CADPS2: variants seen among roughly 807,000 people sequenced by gnomAD.
The protein encoded by CADPS2 is calcium dependent secretion activator 2.
Under a neutral mutation model 172.5 loss-of-function variants are expected in CADPS2, and 93 were observed. The ratio of observed to expected loss-of-function variants is 0.54; its 90% confidence interval spans 0.46 to 0.64. The LOEUF (loss-of-function observed/expected upper bound fraction) is 0.64, where lower values mean the gene tolerates loss of function less well. CADPS2 is among the 30% of genes least tolerant of loss of function. The pLI is 0.00. For synonymous variants in CADPS2, 546 were observed against 555.2 expected (o/e 0.98, Z 0.23); for missense variants, 1,420 against 1,565.9 (o/e 0.91, Z 1.57).
At chr7:122,614,781 A>G (rs1433482060) in intron 6 of CADPS2, among the ~76,000 whole-genome samples, 1 of 152,186 alleles carries the variant, frequency 6.6e-6, no homozygotes, top group African/African-American at 2.4e-5. Context: ...CATGGTATCT[A>G]CTGTTACATC....
chr7:122,780,208 T>C (rs1011996013), intron 1 of CADPS2, among the ~76,000 whole-genome samples: 1 of 152,060 alleles, frequency 6.6e-6, no homozygotes, highest in Admixed American at 6.5e-5. Context: ...TTCTTTACCA[T>C]GTGCACTTGT....
At chr7:122,753,821 C>A (rs1266300444) in intron 1 of CADPS2, among the ~76,000 whole-genome samples, 1 of 152,156 alleles carries the variant, frequency 6.6e-6, no homozygotes, top group African/African-American at 2.4e-5. Context: ...CCCTACTCAC[C>A]CACTGGGGTG....
chr7:122,741,174 T>C (rs1431911912), intron 1 of CADPS2, among the ~76,000 whole-genome samples: 1 of 152,190 alleles, frequency 6.6e-6, no homozygotes, highest in Non-Finnish European at 1.5e-5. Flanking sequence ...ACATTCTCTA[T>C]GTACTGATTT....
At chr7:122,386,435 T>G in intron 24 of CADPS2, 1 of 524,616 alleles carries the variant, frequency 1.9e-6, no homozygotes, top group Non-Finnish European at 3.3e-6. Flanking sequence ...AACAGATAAT[T>G]GAAGAAAAAT....
At chr7:122,679,393 G>T (rs893491895) in intron 2 of CADPS2, among the ~76,000 whole-genome samples, 9 of 151,180 alleles carry the variant, frequency 6.0e-5, no homozygotes, top group Non-Finnish European at 1.2e-4. Flanking sequence ...TTCCAGCCTG[G>T]CGAATTCTAG....
At chr7:122,881,037 G>A (rs1404256069) in intron 1 of CADPS2, among the ~76,000 whole-genome samples, 1 of 152,102 alleles carries the variant, frequency 6.6e-6, no homozygotes, top group Non-Finnish European at 1.5e-5. Flanking sequence ...GTCAAAAGTG[G>A]TCTACCTCAC....
At chr7:122,685,424 T>C (rs1213208876) in intron 2 of CADPS2, among the ~76,000 whole-genome samples, 1 of 152,258 alleles carries the variant, frequency 6.6e-6, no homozygotes, top group South Asian at 2.1e-4. Context: ...CAGCTAACAC[T>C]GTCTTCTGTC....
intron 7 of CADPS2, among the ~76,000 whole-genome samples, chr7:122,576,483 C>T (rs2068052884): frequency 6.6e-6 from 1 of 152,136 alleles, no homozygotes; most frequent in Non-Finnish European, 1.5e-5. Flanking sequence ...CCTTTTGATG[C>T]TGCTGGTTGA....
chr7:122,787,732 C>T (rs771995846), intron 1 of CADPS2, among the ~76,000 whole-genome samples: 10 of 152,164 alleles, frequency 6.6e-5, no homozygotes, highest in Admixed American at 4.6e-4. Flanking sequence ...AGAATTCAAA[C>T]GTAATAAAGT....
At chr7:122,664,785 C>A (rs147382125) in intron 2 of CADPS2, among the ~76,000 whole-genome samples, 9 of 151,736 alleles carry the variant, frequency 5.9e-5, no homozygotes, top group Admixed American at 2.0e-4. Context: ...TTCAAGTCAA[C>A]TTTTTTTTCT....
In CADPS2 at chr7:122,731,208, T is replaced by C. The variant is rs546541544; in HGVS notation, c.453+5747A>G. 2.6e-3 allele frequency among the ~76,000 whole-genome samples: 395 copies of C among 151,750 alleles called. 3 individuals carry two copies. Among genetic ancestry groups the C allele is most frequent in the African/African-American group, 9.3e-3 (385 of 41,494 alleles). On this transcript the variant is annotated intron_variant, in intron 2 of 29. Transcript: ENST00000449022. ...AAAACAGTAAGAAAACTATACATCCTTTCTGAAAAGTTGTGAACAAAGCCA... is the reference window on the plus strand; with the variant it reads ...AAAACAGTAAGAAAACTATACATCCCTTCTGAAAAGTTGTGAACAAAGCCA...
chr7:122,686,010 T>C (rs1470801167), intron 2 of CADPS2, among the ~76,000 whole-genome samples: 1 of 152,220 alleles, frequency 6.6e-6, no homozygotes, highest in Non-Finnish European at 1.5e-5. Flanking sequence ...GCTGGTTTTA[T>C]GGACCCGAAC....
At chr7:122,789,536 C>G (rs1466189647) in intron 1 of CADPS2, among the ~76,000 whole-genome samples, 1 of 152,168 alleles carries the variant, frequency 6.6e-6, no homozygotes, top group Non-Finnish European at 1.5e-5. Flanking sequence ...CTCAAAACAT[C>G]TTTAGTTCCC....
intron 9 of CADPS2, among the ~76,000 whole-genome samples, chr7:122,501,841 C>CTCCAG (rs2059227253): frequency 7.1e-6 from 1 of 140,372 alleles, no homozygotes. Flanking sequence ...CACCACTGCA[C>CTCCAG]TCCAGCCTGG....
intron 1 of CADPS2, among the ~76,000 whole-genome samples, chr7:122,875,482 A>G (rs144757791): frequency 0.025 from 3,745 of 152,276 alleles, 78 homozygotes; most frequent in Non-Finnish European, 0.034. Flanking sequence ...ATAAGATAGG[A>G]ATGATTACTA....
At chr7:122,500,446 C>G (rs1214690110) in intron 9 of CADPS2, among the ~76,000 whole-genome samples, 1 of 152,144 alleles carries the variant, frequency 6.6e-6, no homozygotes, top group Non-Finnish European at 1.5e-5. Context: ...GCACACATAA[C>G]TCAACTTGTA....
At chr7:122,829,656 T>C (rs755446511) in intron 1 of CADPS2, among the ~76,000 whole-genome samples, 16 of 152,200 alleles carry the variant, frequency 1.1e-4, no homozygotes, top group Admixed American at 2.6e-4. Context: ...CTTCCAGCCA[T>C]CAGCTTCCAT....
chr7:122,592,214 G>T (rs1331965298), intron 6 of CADPS2, among the ~76,000 whole-genome samples: 1 of 152,180 alleles, frequency 6.6e-6, no homozygotes, highest in Non-Finnish European at 1.5e-5. Flanking sequence ...AGACATTTAT[G>T]CAGCCAAAAG....
chr7:122,471,637 T>C, intron 13 of CADPS2, 75 bp from the exon 14 acceptor site: 3 of 1,232,448 alleles, frequency 2.4e-6, no homozygotes, highest in Admixed American at 2.8e-5. Flanking sequence ...AACGCACTTT[T>C]AGGCCTTATA....
Sources: allele counts gnomAD v4.1 joint callset (sites outside exome capture counted in the v4.1 genomes callset), GRCh38; gene constraint gnomAD v4.1.1; transcripts MANE v1.5; gene names NCBI Gene and HGNC (gene_info 2026-07-23, HGNC 2026-07-21).